Variants in H2BC5 observed in about 807,000 individuals in gnomAD.
The protein encoded by H2BC5 is histone H2B type 1-D.
Under a neutral mutation model 5.7 loss-of-function variants are expected in H2BC5, and 9 were observed. The observed-to-expected ratio is 1.57, with a 90% CI of 0.95 to 2.74. H2BC5 has a LOEUF of 2.74. H2BC5 is among the 30% of genes most tolerant of loss of function. H2BC5 has a pLI of 0.00. For synonymous variants in H2BC5, 133 were observed against 70.9 expected (o/e 1.88, Z -4.40); for missense variants, 175 against 168.8 (o/e 1.04, Z -0.20).
chr6:26,164,810 C>G (rs891550640), intron 1 of H2BC5, among the ~76,000 whole-genome samples: 2 of 151,910 alleles, frequency 1.3e-5, no homozygotes, highest in Non-Finnish European at 2.9e-5. Context: ...CCCTGAGCCC[C>G]AGGAGAACCG....
At chr6:26,167,236 T>C (rs1764446675) in intron 1 of H2BC5, among the ~76,000 whole-genome samples, 1 of 152,132 alleles carries the variant, frequency 6.6e-6, no homozygotes, top group African/African-American at 2.4e-5. Context: ...ATCCAAGACC[T>C]GAGACACAAA....
intron 1 of H2BC5, among the ~76,000 whole-genome samples, chr6:26,168,314 C>T (rs999457221): frequency 7.9e-5 from 12 of 152,032 alleles, no homozygotes; most frequent in South Asian, 2.1e-4. Context: ...CAAAATTAGC[C>T]AGGCATGGTG....
chr6:26,162,472 G>A (rs976766295), downstream of H2BC5, among the ~76,000 whole-genome samples: 1 of 152,062 alleles, frequency 6.6e-6, no homozygotes. Context: ...ATTTATAATT[G>A]CTTTTGTGTG....
chr6:26,162,703 A>AT (rs1764370261), downstream of H2BC5, among the ~76,000 whole-genome samples: 1 of 151,930 alleles, frequency 6.6e-6, no homozygotes, highest in Non-Finnish European at 1.5e-5. Context: ...CACTCGGCTA[A>AT]TTTTTTTGTA....
At chr6:26,164,186 AG>A in intron 1 of H2BC5, 1 of 446,892 alleles carries the variant, frequency 2.2e-6, no homozygotes. Context: ...AGGAGGTGGC[AG>A]GGGTGAGGGC....
intron 1 of H2BC5, chr6:26,164,484 C>T (rs906052748): frequency 6.3e-6 from 1 of 159,324 alleles, no homozygotes; most frequent in African/African-American, 2.4e-5. Context: ...GCAATGTGTA[C>T]ACCATTTGGG....
chr6:26,161,750 C>A (rs150258003), downstream of H2BC5, among the ~76,000 whole-genome samples: 269 of 152,050 alleles, frequency 1.8e-3, 5 homozygotes, highest in East Asian at 0.029. Context: ...CCAGCCTGGG[C>A]AATGAGAGTG....
At chr6:26,162,687 C>T (rs1231108883), downstream of H2BC5, among the ~76,000 whole-genome samples, 1 of 152,094 alleles carries the variant, frequency 6.6e-6, no homozygotes, top group African/African-American at 2.4e-5. Flanking sequence ...CAGGCGCACA[C>T]CACCGCACTC....
rs759169089 is a variant in H2BC5, at chr6:26,158,200, C to G, written c.31C>G (p.Pro11Ala). The G allele has an allele frequency of 6.2e-7, 1 of 1,614,122 alleles. No homozygotes were observed. Among genetic ancestry groups the G allele is most frequent in the Non-Finnish European group, 8.5e-7 (1 of 1,180,002 alleles). Residue 11 changes from proline to alanine, a missense_variant, in exon 1 of 1, where the codon CCA becomes GCA. Physicochemically the swap from Pro to Ala is conservative, Grantham distance 27. This residue lies in a region of H2BC5 where 119 missense variants were observed against 85.6 expected (regional missense o/e 1.39). Transcript: ENST00000377777. ...TGAACCTACCAAGTCTGCTCCTGCC[C>G]CAAAGAAGGGCTCCAAGAAGGCGGT... MPEPTKSAPAPKKGSKKAVTK... is the reference protein window; with the variant it reads MPEPTKSAPAAKKGSKKAVTK...
At chr6:26,166,295 TATGACCC>T (rs1764422612) in intron 1 of H2BC5, among the ~76,000 whole-genome samples, 1 of 152,224 alleles carries the variant, frequency 6.6e-6, no homozygotes, top group South Asian at 2.1e-4. Flanking sequence ...TTTCAGTTCC[TATGACCC>T]ATGTCTCAAA....
downstream of H2BC5, among the ~76,000 whole-genome samples, chr6:26,160,075 TAA>T (rs879304348): frequency 2.0e-5 from 3 of 151,966 alleles, no homozygotes; most frequent in African/African-American, 7.3e-5. Flanking sequence ...TGAATGCAAA[TAA>T]AAAAGTCAGC....
downstream of H2BC5, among the ~76,000 whole-genome samples, chr6:26,159,134 G>A (rs2113832567): frequency 6.6e-6 from 1 of 152,148 alleles, no homozygotes; most frequent in South Asian, 2.1e-4. Context: ...GAGTGGGGCA[G>A]GGAAAGGCGG....
downstream of H2BC5, among the ~76,000 whole-genome samples, chr6:26,159,583 G>C (rs1764319823): frequency 6.6e-6 from 1 of 152,138 alleles, no homozygotes; most frequent in Admixed American, 6.5e-5. Context: ...AACTAGGAGG[G>C]AGTGGCCAGA....
At chr6:26,164,133 C>G in intron 1 of H2BC5, 1 of 449,054 alleles carries the variant, frequency 2.2e-6, no homozygotes, top group Non-Finnish European at 4.5e-6. Context: ...GTAGATCCCC[C>G]CGTGGGTGAG....
rs1339127008 is a variant in H2BC5 at position 26,169,996 on chromosome 6, G to GA, written c.*10-973dup. 2.0e-5 allele frequency among the ~76,000 whole-genome samples: 3 copies of GA among 151,904 alleles called. No individual in the cohort carries two copies. The East Asian group carries it at 5.8e-4, about 29-fold the overall frequency. On this transcript the variant is annotated intron_variant, in intron 1 of 1. Coordinates refer to the H2BC5 transcript ENST00000289316. Reference sequence around the variant, plus strand: ...CAGCAGAATGTGGTAGAAAGATAGAGAAAAAACAAAAAGGGGACATGAGTA... The same window carrying GA: ...CAGCAGAATGTGGTAGAAAGATAGAGAAAAAAACAAAAAGGGGACATGAGTA...
chr6:26,170,864 A>G (rs1047490064), intron 1 of H2BC5: 45 of 152,336 alleles, frequency 3.0e-4, no homozygotes, highest in African/African-American at 1.0e-3. Flanking sequence ...AGAGATTCCT[A>G]ATAGTTCATT....
At chr6:26,158,688 T>C, downstream of H2BC5, 1 of 1,329,072 alleles carries the variant, frequency 7.5e-7, no homozygotes. Context: ...ATCTTTAATG[T>C]TACGTTAGTA....
At position 26,158,123 on chromosome 6, in the gene H2BC5, T is replaced by A. The variant is rs200283692; in HGVS notation, c.-47T>A. On this transcript the variant is annotated 5_prime_UTR_variant, in exon 1 of 1. Coordinates refer to ENST00000377777, the MANE Select transcript of H2BC5 (RefSeq NM_021063.4). ...ATGAACAGGGCCTCGGCGGGAGTGATTATTTTCTCAGGTGTTTGCAACAGT... is the reference window on the plus strand; with the variant it reads ...ATGAACAGGGCCTCGGCGGGAGTGAATATTTTCTCAGGTGTTTGCAACAGT... 2 of 1,573,162 alleles carry A rather than the reference T, an allele frequency of 1.3e-6. No individual in the cohort carries two copies. Among genetic ancestry groups the A allele is most frequent in the Admixed American group, 3.9e-5 (2 of 51,454 alleles).
chr6:26,170,986 G>A (rs1261271350), exon 2 of H2BC5: 1 of 152,166 alleles, frequency 6.6e-6, no homozygotes, highest in Non-Finnish European at 1.5e-5. Flanking sequence ...GGAGAGACAT[G>A]AAGACAGAGG....
Sources: allele counts gnomAD v4.1 joint callset (sites outside exome capture counted in the v4.1 genomes callset), GRCh38; gene constraint gnomAD v4.1.1; regional missense constraint gnomAD v4.1.1; transcripts MANE v1.5; gene names NCBI Gene and HGNC (gene_info 2026-07-23, HGNC 2026-07-21).